NOC3L: variants seen among roughly 807,000 people sequenced by gnomAD.
NOC3L encodes the protein NOC3 like DNA replication regulator.
A neutral mutation model predicts 102.5 loss-of-function variants in NOC3L; 85 were observed. The ratio of observed to expected loss-of-function variants is 0.83; its 90% CI spans 0.70 to 0.99. The LOEUF (loss-of-function observed/expected upper bound fraction) is 0.99, where lower values mean the gene tolerates loss of function less well. Ranked by LOEUF, NOC3L falls within the 50% of genes least tolerant of loss-of-function variation. NOC3L has a pLI of 0.00. For missense variants in NOC3L, 878 were observed against 914.9 expected (o/e 0.96, Z 0.52); for synonymous variants, 303 against 309.4 (o/e 0.98, Z 0.22).
rs1388319942 is a variant in NOC3L at position 94,354,959 on chromosome 10, CTACAT to C, written c.695_696+3del. ...AAGAGCCTAAAGAAATTAATACTAC[CTACAT>C]TATTTTCTGGATCTGATAATATGGC... On this transcript the variant is annotated splice_donor_variant and splice_donor_region_variant and coding_sequence_variant and intron_variant, in exon 6 of 21. Coordinates refer to ENST00000371361, the MANE Select transcript of NOC3L (RefSeq NM_022451.11). LOFTEE classifies it high-confidence loss of function. 5.0e-6 allele frequency: 8 copies of C among 1,612,064 alleles called. No homozygotes were observed. The highest frequency in any genetic ancestry group is 6.8e-6 in the Non-Finnish European group (8 of 1,179,222).
At chr10:94,347,932 T>A (rs1006972511) in intron 10 of NOC3L, among the ~76,000 whole-genome samples, 2 of 151,924 alleles carry the variant, frequency 1.3e-5, no homozygotes, top group African/African-American at 2.4e-5. Context: ...AGTAATATAC[T>A]GAAATAAATA....
chr10:94,354,356 A>G (rs796536888), intron 6 of NOC3L, among the ~76,000 whole-genome samples: 5 of 152,304 alleles, frequency 3.3e-5, no homozygotes, highest in African/African-American at 1.2e-4. Context: ...GTTTTGAAAA[A>G]GACACTGTCC....
At chr10:94,320,255 T>TC in the NOC3L span, among the ~76,000 whole-genome samples, 1 of 151,238 alleles carries the variant, frequency 6.6e-6, no homozygotes, top group Non-Finnish European at 1.5e-5. Flanking sequence ...GCTCATCTCT[T>TC]CCCCCCCTTC....
intron 11 of NOC3L, 50 bp from the exon 12 acceptor site, chr10:94,344,983 A>C: frequency 7.6e-7 from 1 of 1,315,654 alleles, no homozygotes; most frequent in Non-Finnish European, 1.1e-6. Context: ...CCACAGAGTG[A>C]AAAAAGCAGA....
intron 10 of NOC3L, among the ~76,000 whole-genome samples, chr10:94,348,971 A>C (rs2133999065): frequency 6.6e-6 from 1 of 152,240 alleles, no homozygotes; most frequent in East Asian, 1.9e-4. Context: ...CAATATAGAA[A>C]ATGAAAACTG....
intron 11 of NOC3L, 133 bp from the exon 12 acceptor site, chr10:94,345,066 A>C: frequency 1.7e-6 from 1 of 585,834 alleles, no homozygotes; most frequent in Non-Finnish European, 2.9e-6. Flanking sequence ...ATATAAACAA[A>C]GTAGAGAAAC....
the NOC3L span, among the ~76,000 whole-genome samples, chr10:94,327,668 G>GTAGT: frequency 6.6e-5 from 10 of 152,290 alleles, no homozygotes; most frequent in East Asian, 1.5e-3. Context: ...ATCTGAAGTA[G>GTAGT]TAGTTAGCTG....
At chr10:94,328,674 T>C (rs1227346780), downstream of NOC3L, 1 of 152,250 alleles carries the variant, frequency 6.6e-6, no homozygotes, top group African/African-American at 2.4e-5. Flanking sequence ...CAAGTGTAAA[T>C]ATGTCCTATA....
chr10:94,334,536 A>G, intron 20 of NOC3L, 98 bp downstream of exon 20: 2 of 874,218 alleles, frequency 2.3e-6, no homozygotes, highest in Non-Finnish European at 3.5e-6. Flanking sequence ...CATTAAAAAA[A>G]AAACTACCTA....
At chr10:94,336,806 C>T (rs972880364) in intron 19 of NOC3L, among the ~76,000 whole-genome samples, 5 of 151,792 alleles carry the variant, frequency 3.3e-5, no homozygotes, top group African/African-American at 1.2e-4. Context: ...CAGTGGCTCA[C>T]GCCTGTAATC....
intron 8 of NOC3L, among the ~76,000 whole-genome samples, chr10:94,351,797 G>C (rs1469973108): frequency 6.6e-6 from 1 of 151,874 alleles, no homozygotes; most frequent in Non-Finnish European, 1.5e-5. Flanking sequence ...AAAAGCACTG[G>C]GGTTACAGGT....
the NOC3L span, among the ~76,000 whole-genome samples, chr10:94,327,455 G>A: frequency 2.0e-5 from 3 of 152,086 alleles, no homozygotes; most frequent in Non-Finnish European, 4.4e-5. Context: ...AATTCCTGTA[G>A]TCCCAGCTAC....
chr10:94,339,354 G>GAGTT (rs139024109), intron 17 of NOC3L, among the ~76,000 whole-genome samples: 46,609 of 151,900 alleles, frequency 0.31, 7,422 homozygotes, highest in Middle Eastern at 0.47. Context: ...CTTACATAAA[G>GAGTT]AGAGTAGTGA....
the NOC3L span, chr10:94,324,923 C>A: frequency 1.1e-5 from 18 of 1,614,094 alleles, no homozygotes; most frequent in Admixed American, 1.2e-4. Flanking sequence ...AAAGGCATTT[C>A]TTTCGCAAGT....
At chr10:94,316,132 A>G in the NOC3L span, among the ~76,000 whole-genome samples, 1 of 152,206 alleles carries the variant, frequency 6.6e-6, no homozygotes. Flanking sequence ...ACCTAGCCCT[A>G]CAAACCTTCC....
chr10:94,325,108 T>C, the NOC3L span: 7 of 1,593,624 alleles, frequency 4.4e-6, no homozygotes, highest in Non-Finnish European at 6.0e-6. Context: ...AACCCAGGTA[T>C]AGTAAGTCAT....
the NOC3L span, chr10:94,321,982 CATG>C: frequency 2.5e-6 from 4 of 1,613,718 alleles, no homozygotes; most frequent in Non-Finnish European, 3.4e-6. Context: ...TGTCCAAGTG[CATG>C]ATGTTTCTCC....
At chr10:94,362,780 C>T (rs1383975876) in intron 1 of NOC3L, 50 bp downstream of exon 1, 5 of 1,608,322 alleles carry the variant, frequency 3.1e-6, no homozygotes, top group Non-Finnish European at 4.3e-6. Flanking sequence ...GTGACTCTAT[C>T]ACCCGAAGGG....
intron 9 of NOC3L, among the ~76,000 whole-genome samples, chr10:94,349,746 T>C (rs1365161736): frequency 6.6e-6 from 1 of 152,112 alleles, no homozygotes; most frequent in Non-Finnish European, 1.5e-5. Flanking sequence ...GTGTATAATT[T>C]TCTTTTTTTA....
Sources: gnomAD v4.1 joint callset for allele counts (sites outside exome capture counted in the v4.1 genomes callset) on GRCh38, gnomAD v4.1.1 for gene constraint, MANE v1.5 for transcripts, NCBI Gene and HGNC (gene_info 2026-07-23, HGNC 2026-07-21) for gene names.